Variants in TXNRD2 observed in about 807,000 individuals in gnomAD.
The protein encoded by TXNRD2 is thioredoxin reductase 2, mitochondrial.
TXNRD2 carries 67 observed loss-of-function variants against 70.8 expected under a neutral mutation model. That is an observed-to-expected ratio of 0.95 (90% CI 0.78 to 1.16). TXNRD2 has a LOEUF of 1.16. Ranked by LOEUF, TXNRD2 falls within the 50% of genes most tolerant of loss-of-function variation. The pLI is 0.00. For missense variants in TXNRD2, 644 were observed against 719.9 expected (o/e 0.89, Z 1.21); for synonymous variants, 301 against 295.8 (o/e 1.02, Z -0.18).
chr22:19,897,297 C>T (rs1034860076), intron 10 of TXNRD2, among the ~76,000 whole-genome samples: 5 of 152,202 alleles, frequency 3.3e-5, no homozygotes, highest in African/African-American at 9.6e-5. Flanking sequence ...AGCTGAGGGT[C>T]GGCCGAGGAC....
At chr22:19,922,967 G>A (rs559573565) in intron 2 of TXNRD2, among the ~76,000 whole-genome samples, 2 of 152,256 alleles carry the variant, frequency 1.3e-5, no homozygotes, top group African/African-American at 4.8e-5. Context: ...GATTACAGGC[G>A]TGAGCCACCA....
intron 8 of TXNRD2, among the ~76,000 whole-genome samples, chr22:19,900,377 G>C (rs140902769): frequency 3.4e-3 from 514 of 152,314 alleles, no homozygotes; most frequent in Non-Finnish European, 5.0e-3. Context: ...TCTCTACACG[G>C]AAGTGCACTT....
At chr22:19,881,577 T>C (rs1293327937) in intron 12 of TXNRD2, among the ~76,000 whole-genome samples, 1 of 152,262 alleles carries the variant, frequency 6.6e-6, no homozygotes, top group East Asian at 1.9e-4. Context: ...GTGTGCGCCA[T>C]GCATTTCTGG....
rs938029725 is a variant in TXNRD2 at position 19,878,077 on chromosome 22, C to A, written c.1445+13G>T. 6.8e-6 allele frequency: 11 copies of A among 1,611,506 alleles called. No homozygotes were observed. In the African/African-American group the frequency reaches 1.1e-4, roughly 16 times the overall value. ...TGCACATCGCATCGCAGCCTGCATT[C>A]CTCGGGACTTACTTGATCCCCAGAG... is the stretch of plus-strand genomic sequence containing the variant. On this transcript the variant is annotated intron_variant, in intron 16 of 17. Transcript: ENST00000400521.
intron 11 of TXNRD2, among the ~76,000 whole-genome samples, chr22:19,886,956 G>C (rs1430423573): frequency 6.6e-6 from 1 of 152,218 alleles, no homozygotes; most frequent in Non-Finnish European, 1.5e-5. Context: ...GGCCAGCTGA[G>C]TGGGGGCTTC....
Position 19,898,110 on chromosome 22 carries a change from C to T in TXNRD2, c.703G>A (p.Gly235Ser), listed in dbSNP as rs1425701578. The change falls in exon 10 of 18, where the codon GGC becomes AGC. Residue 235 changes from glycine to serine, a missense_variant. Gly to Ser is a moderately conservative substitution (Grantham distance 56). Transcript: ENST00000400521. ...GASYVALECA[G>S]FLTGIGLDTT... ...TCCAGCCCAATCCCGGTGAGGAAGC[C>T]AGCACACTCCAGGGCCACATCTGTG... The T allele has an allele frequency of 1.3e-6, 2 of 1,564,502 alleles. No individual in the cohort carries two copies. The highest frequency in any genetic ancestry group is 1.7e-6 in the Non-Finnish European group (2 of 1,154,708).
intron 1 of TXNRD2, among the ~76,000 whole-genome samples, chr22:19,939,161 G>A (rs992222139): frequency 5.3e-5 from 8 of 151,762 alleles, no homozygotes; most frequent in African/African-American, 1.5e-4. Context: ...TAAAAACCAC[G>A]AGGAAGAGAC....
At chr22:19,891,388 C>T (rs1446397037) in intron 11 of TXNRD2, 6 of 152,332 alleles carry the variant, frequency 3.9e-5, no homozygotes, top group Non-Finnish European at 8.8e-5. Flanking sequence ...ACGCCAGAGC[C>T]TTCAGCATCT....
At chr22:19,897,546 C>A (rs142364428) in intron 10 of TXNRD2, among the ~76,000 whole-genome samples, 1 of 152,188 alleles carries the variant, frequency 6.6e-6, no homozygotes, top group Non-Finnish European at 1.5e-5. Flanking sequence ...CTGTACACAG[C>A]GCACCTGTCC....
chr22:19,880,327 C>G (rs1938708853), intron 13 of TXNRD2, 56 bp from the exon 14 acceptor site: 1 of 1,537,848 alleles, frequency 6.5e-7, no homozygotes, highest in Admixed American at 1.7e-5. Flanking sequence ...CCGAAGTTCC[C>G]CACTGCATGT....
At chr22:19,926,203 G>A (rs5993874) in intron 2 of TXNRD2, among the ~76,000 whole-genome samples, 93,875 of 150,526 alleles carry the variant, frequency 0.62, 29,672 homozygotes, top group African/African-American at 0.72. Context: ...AAGAAAATGC[G>A]AAGAGGCCAG....
In TXNRD2 at chr22:19,917,408, T is replaced by A. The variant is rs188253691; in HGVS notation, c.449+735A>T. Among the ~76,000 whole-genome samples, 383 of 152,260 alleles carry A rather than the reference T, an allele frequency of 2.5e-3. 1 individual carries two copies. Among genetic ancestry groups the A allele is most frequent in the African/African-American group, 8.9e-3 (368 of 41,536 alleles). ...AGCAGTTGGCTTCCTGGCTCCACTT[T>A]CCTGGATTTAGTGAGCACAAAACTG... On this transcript the variant is annotated intron_variant, in intron 5 of 17. Transcript: ENST00000400521.
chr22:19,932,348 T>C, intron 1 of TXNRD2: 1 of 1,612,530 alleles, frequency 6.2e-7, no homozygotes, highest in Non-Finnish European at 8.5e-7. Context: ...GGTTGTGGTG[T>C]CGCCTCACCT....
chr22:19,892,615 C>A (rs1939315740), intron 11 of TXNRD2, among the ~76,000 whole-genome samples: 1 of 152,236 alleles, frequency 6.6e-6, no homozygotes, highest in Non-Finnish European at 1.5e-5. Context: ...CAGCCCCCGG[C>A]CCATTGGTCT....
intron 8 of TXNRD2, among the ~76,000 whole-genome samples, chr22:19,901,213 G>A (rs1174941473): frequency 1.3e-5 from 2 of 152,254 alleles, no homozygotes; most frequent in Non-Finnish European, 2.9e-5. Context: ...GCGGGGGCAG[G>A]TGACTCTCCA....
intron 8 of TXNRD2, among the ~76,000 whole-genome samples, chr22:19,902,648 G>A (rs565396576): frequency 2.0e-5 from 3 of 152,326 alleles, no homozygotes; most frequent in Admixed American, 6.5e-5. Flanking sequence ...ATGCTGGGCC[G>A]GAGCCTCTGT....
At chr22:19,881,103 C>T (rs558725070) in intron 12 of TXNRD2, 23 of 461,422 alleles carry the variant, frequency 5.0e-5, no homozygotes, top group East Asian at 2.2e-4. Context: ...CTGGAATCCC[C>T]GGCTAAAAAG....
At position 19,933,365 on chromosome 22, in the gene TXNRD2, T is replaced by C. The variant is rs534810611; in HGVS notation, c.104-2267A>G. 215 of 1,112,812 alleles carry C rather than the reference T, an allele frequency of 1.9e-4. 1 individual carries two copies. The African/African-American group carries it at 2.7e-3, about 14-fold the overall frequency. 68.9% of individuals were successfully genotyped at this position (1,112,812 alleles called of 1,614,324 possible). On this transcript the variant is annotated intron_variant, in intron 1 of 17. Transcript: ENST00000400521. ...CCAGGTCCCCCGGGGAGCATGAACC[T>C]GCTGATGGAGAAGCATCTCTCTCCT...
rs199827549 is a variant in TXNRD2, at chr22:19,934,566, C to CTTT, written c.104-3471_104-3469dup. The stretch of plus-strand genomic sequence containing the variant: ...CCAAGTAATACTTTTATACTTTTTT[C>CTTT]TTTTTTTTTTTTTTGAGGCAGATTC... On this transcript the variant is annotated intron_variant, in intron 1 of 17. Transcript: ENST00000400521. Among the ~76,000 whole-genome samples, 106 of 141,896 alleles carry CTTT rather than the reference C, an allele frequency of 7.5e-4. 1 individual carries two copies. The highest frequency in any genetic ancestry group is 1.9e-3 in the East Asian group (9 of 4,856). The allele number at this position is 141,896 out of a possible 152,430, so 93.1% of individuals were successfully genotyped here. A position where few individuals can be genotyped will look rare whatever the true frequency, so the allele number is the denominator to read the frequency against.
Sources: allele counts gnomAD v4.1 joint callset (sites outside exome capture counted in the v4.1 genomes callset), GRCh38; gene constraint gnomAD v4.1.1; transcripts MANE v1.5; gene names NCBI Gene and HGNC (gene_info 2026-07-23, HGNC 2026-07-21).